Variants in KIAA0232 observed in about 807,000 individuals in gnomAD.
KIAA0232 encodes uncharacterized protein KIAA0232.
KIAA0232 carries 27 observed loss-of-function variants against 122.0 expected under a neutral mutation model. The ratio of observed to expected loss-of-function variants is 0.22; its 90% CI spans 0.16 to 0.31. The LOEUF (loss-of-function observed/expected upper bound fraction) is 0.31, where lower values mean the gene tolerates loss of function less well. Among genes scored for constraint, KIAA0232 ranks in the 10% least tolerant of loss-of-function variants. KIAA0232 has a pLI of 1.00. For missense variants in KIAA0232, 1,551 were observed against 1,634.2 expected, an observed-to-expected ratio of 0.95 and a Z score of 0.88; for synonymous variants, 613 against 587.6, an observed-to-expected ratio of 1.04 and a Z score of -0.63.
At chr4:6,824,098 C>T (rs1430727827) in intron 2 of KIAA0232, 87 bp from the exon 3 acceptor site, 1 of 412,096 alleles carries the variant, frequency 2.4e-6, no homozygotes, top group East Asian at 3.4e-5. Flanking sequence ...TAAAGAGGGA[C>T]AGTTTATTTG....
chr4:6,841,041 AGT>A (rs1719630642), intron 3 of KIAA0232, among the ~76,000 whole-genome samples: 1 of 152,178 alleles, frequency 6.6e-6, no homozygotes, highest in Admixed American at 6.5e-5. Flanking sequence ...AATGCAAACA[AGT>A]GTGTGTGATA....
chr4:6,818,540 T>G (rs1195364293), intron 2 of KIAA0232, among the ~76,000 whole-genome samples: 1 of 151,428 alleles, frequency 6.6e-6, no homozygotes, highest in East Asian at 1.9e-4. Context: ...AGGTGAAAGA[T>G]CTCTGCAAGA....
intron 9 of KIAA0232, 47 bp downstream of exon 9, chr4:6,876,804 C>A: frequency 7.6e-7 from 1 of 1,317,644 alleles, no homozygotes. Context: ...AAACAGCCAC[C>A]ACCTCCAGTT....
At chr4:6,842,287 A>C (rs969294038) in intron 4 of KIAA0232, 83 bp downstream of exon 4, 6 of 1,327,548 alleles carry the variant, frequency 4.5e-6, no homozygotes, top group Admixed American at 4.9e-5. Context: ...CTTGACCTCC[A>C]AAAACTGGGA....
chr4:6,864,431 T>C (rs935123726), intron 7 of KIAA0232, among the ~76,000 whole-genome samples: 13 of 152,100 alleles, frequency 8.5e-5, no homozygotes, highest in African/African-American at 2.9e-4. Flanking sequence ...AAGATTCCTA[T>C]GTGTTGTCTT....
chr4:6,842,843 C>A (rs975503751), intron 4 of KIAA0232, among the ~76,000 whole-genome samples: 1 of 152,080 alleles, frequency 6.6e-6, no homozygotes, highest in Non-Finnish European at 1.5e-5. Flanking sequence ...CCTGCCGTGG[C>A]CTCCCAAAGT....
Position 6,881,113 on chromosome 4 carries a change from C to G in KIAA0232, c.*147C>G. On this transcript the variant is annotated 3_prime_UTR_variant, in exon 10 of 10. Transcript: ENST00000307659. ...GGTAATAATTATCTTTCTCTTCTTG[C>G]TTATTTTAGAGTTGAGGACAGCTAT... The G allele has an allele frequency of 3.2e-6, 2 of 615,542 alleles. No homozygotes were observed. The highest frequency in any genetic ancestry group is 5.0e-6 in the Non-Finnish European group (2 of 397,828). 38.1% of individuals were successfully genotyped at this position (615,542 alleles called of 1,614,324 possible).
intron 3 of KIAA0232, among the ~76,000 whole-genome samples, chr4:6,828,329 A>G (rs553444822): frequency 6.6e-6 from 1 of 152,296 alleles, no homozygotes; most frequent in African/African-American, 2.4e-5. Context: ...AGCAGCGATC[A>G]TGACGCTGCA....
rs771504710 is a variant in KIAA0232 at position 6,861,521 on chromosome 4, G to A, written c.1139G>A (p.Ser380Asn). The A allele has an allele frequency of 6.2e-7, 1 of 1,614,092 alleles. No homozygotes were observed. Among genetic ancestry groups the A allele is most frequent in the South Asian group, 1.1e-5 (1 of 91,078 alleles). The change falls in exon 7 of 10, where the codon AGC becomes AAC. Residue 380 changes from serine (S) to asparagine (N), a missense_variant. By Grantham distance (46) the Ser-to-Asn change is conservative. Coordinates refer to ENST00000307659, the MANE Select transcript of KIAA0232 (RefSeq NM_014743.3). ...LKEIGRKDPG[S>N]TEGKDLYMEN... ...GAAATAGGGAGAAAAGATCCTGGGA[G>A]CACTGAAGGAAAAGACCTGTACATG...
intron 2 of KIAA0232, among the ~76,000 whole-genome samples, chr4:6,805,475 A>G (rs1166400455): frequency 5.3e-5 from 8 of 152,228 alleles, no homozygotes; most frequent in East Asian, 1.9e-4. Context: ...TTGGAGAACT[A>G]TAATTTGTAT....
chr4:6,803,301 A>G (rs914288371), intron 1 of KIAA0232, among the ~76,000 whole-genome samples: 1 of 152,046 alleles, frequency 6.6e-6, no homozygotes, highest in Non-Finnish European at 1.5e-5. Flanking sequence ...AGTTGGAAAT[A>G]TAGATTGAGA....
chr4:6,799,247 G>A (rs539119876), intron 1 of KIAA0232, among the ~76,000 whole-genome samples: 1 of 150,722 alleles, frequency 6.6e-6, no homozygotes, highest in Non-Finnish European at 1.5e-5. Context: ...AAGGACATCA[G>A]ATCATTGAAT....
chr4:6,829,643 G>T (rs1468769093), intron 3 of KIAA0232, among the ~76,000 whole-genome samples: 1 of 152,220 alleles, frequency 6.6e-6, no homozygotes, highest in Non-Finnish European at 1.5e-5. Context: ...AAAGTGAATG[G>T]CATGGCAGTG....
chr4:6,783,774 C>A (rs1427499829), intron 1 of KIAA0232, among the ~76,000 whole-genome samples: 1 of 152,060 alleles, frequency 6.6e-6, no homozygotes, highest in Non-Finnish European at 1.5e-5. Context: ...AGTGACAGGC[C>A]CACAGTCATC....
At chr4:6,836,449 T>C (rs561675926) in intron 3 of KIAA0232, among the ~76,000 whole-genome samples, 2 of 151,780 alleles carry the variant, frequency 1.3e-5, no homozygotes, top group African/African-American at 4.8e-5. Context: ...GTAGAAATAT[T>C]GTTCTCACTT....
At chr4:6,871,001 A>G (rs1205296213) in intron 7 of KIAA0232, among the ~76,000 whole-genome samples, 1 of 152,110 alleles carries the variant, frequency 6.6e-6, no homozygotes, top group Non-Finnish European at 1.5e-5. Flanking sequence ...TTATTACATT[A>G]TATTTTGGGC....
chr4:6,844,722 C>T (rs112525754), intron 4 of KIAA0232, among the ~76,000 whole-genome samples: 5,459 of 152,314 alleles, frequency 0.036, 153 homozygotes, highest in Non-Finnish European at 0.051. Context: ...AGGTGTGAGC[C>T]ACCGTGCCTG....
Position 6,871,566 on chromosome 4 carries a change from C to T in KIAA0232, c.3802-8C>T, listed in dbSNP as rs2108831042. ...AAACTTTTTCTGTATTTGGTTTAAT[C>T]TAAACAGTTCCCTGTATTGAACACT... On this transcript the variant is annotated splice_region_variant and splice_polypyrimidine_tract_variant and intron_variant, in intron 7 of 9. Transcript: ENST00000307659. 6.6e-7 allele frequency: 1 copy of T among 1,507,796 alleles called. No individual in the cohort carries two copies. The highest frequency in any genetic ancestry group is 2.3e-5 in the East Asian group (1 of 44,278). The allele number at this position is 1,507,796 out of a possible 1,614,324, so 93.4% of individuals were successfully genotyped here.
chr4:6,810,753 C>G (rs1356383792), intron 2 of KIAA0232, among the ~76,000 whole-genome samples: 1 of 151,990 alleles, frequency 6.6e-6, no homozygotes, highest in African/African-American at 2.4e-5. Flanking sequence ...AAGAAGATCC[C>G]ATTAAAAGGT....
Sources: allele counts gnomAD v4.1 joint callset (sites outside exome capture counted in the v4.1 genomes callset), GRCh38; gene constraint gnomAD v4.1.1; transcripts MANE v1.5; gene names NCBI Gene and HGNC (gene_info 2026-07-23, HGNC 2026-07-21).